TENM1: variants seen among roughly 807,000 people sequenced by gnomAD.
The protein encoded by TENM1 is teneurin transmembrane protein 1, also known as teneurin-1.
A neutral mutation model predicts 174.8 loss-of-function variants in TENM1; 35 were observed. The ratio of observed to expected loss-of-function variants is 0.20; its 90% CI spans 0.15 to 0.27. The LOEUF (loss-of-function observed/expected upper bound fraction) is 0.27. TENM1 is among the 10% of genes least tolerant of loss of function. TENM1 has a pLI of 1.00. For missense variants in TENM1, 1,633 were observed against 2,130.1 expected, an observed-to-expected ratio of 0.77 and a Z score of 4.59; for synonymous variants, 781 against 798.7, an observed-to-expected ratio of 0.98 and a Z score of 0.37.
At chrX:124,677,938 T>C (rs1327323682) in intron 5 of TENM1, among the ~76,000 whole-genome samples, 1 of 111,899 alleles carries the variant, frequency 8.9e-6, no homozygotes, top group African/African-American at 3.2e-5. Context: ...GTGACAGGAA[T>C]ACAGTGATTC....
chrX:125,047,200 G>GT, the TENM1 span, among the ~76,000 whole-genome samples: 1 of 111,431 alleles, frequency 9.0e-6, no homozygotes, highest in African/African-American at 3.3e-5. Flanking sequence ...GCGTATATGA[G>GT]TTATTAAATA....
the TENM1 span, among the ~76,000 whole-genome samples, chrX:125,167,179 T>A: frequency 8.9e-6 from 1 of 111,892 alleles, no homozygotes; most frequent in Non-Finnish European, 1.9e-5. Context: ...ATAGCCCATA[T>A]GAAATGATTT....
chrX:124,491,170 A>T (rs1336844781), intron 20 of TENM1, among the ~76,000 whole-genome samples: 1 of 112,064 alleles, frequency 8.9e-6, no homozygotes, highest in Non-Finnish European at 1.9e-5. Flanking sequence ...GAATATAAGG[A>T]AGAATTTTCT....
At chrX:124,973,356 T>G in the TENM1 span, among the ~76,000 whole-genome samples, 1 of 111,814 alleles carries the variant, frequency 8.9e-6, no homozygotes, top group African/African-American at 3.3e-5. Flanking sequence ...CAGTTTTGTC[T>G]TTTTGCTTAG....
At chrX:124,485,745 A>G (rs2046939072) in intron 21 of TENM1, among the ~76,000 whole-genome samples, 1 of 111,996 alleles carries the variant, frequency 8.9e-6, no homozygotes, top group Non-Finnish European at 1.9e-5. Context: ...GGAAACCCAG[A>G]CACATAGGGA....
intron 18 of TENM1, among the ~76,000 whole-genome samples, chrX:124,510,712 T>C (rs1007135314): frequency 2.7e-5 from 3 of 110,151 alleles, no homozygotes; most frequent in Non-Finnish European, 3.8e-5. Flanking sequence ...TAAACTTTCA[T>C]GTCTGAAAGT....
At chrX:124,635,439 G>T (rs1405850756) in intron 11 of TENM1, among the ~76,000 whole-genome samples, 1 of 112,314 alleles carries the variant, frequency 8.9e-6, no homozygotes, top group Admixed American at 9.4e-5. Flanking sequence ...CTGCTGAATA[G>T]CAAATAGTAT....
At chrX:125,105,242 C>G in the TENM1 span, among the ~76,000 whole-genome samples, 79 of 111,767 alleles carry the variant, frequency 7.1e-4, no homozygotes, top group Non-Finnish European at 1.2e-3. Context: ...TTTTACTCCA[C>G]TCTGGTGGAA....
rs7056882 is a variant in TENM1 at position 124,701,099 on chromosome X, T to C, written c.1015+3914A>G. 9.0e-3 allele frequency among the ~76,000 whole-genome samples: 1,002 copies of C among 111,499 alleles called. 10 individuals are homozygous for C. Among genetic ancestry groups the C allele is most frequent in the African/African-American group, 0.031 (955 of 30,686 alleles). On this transcript the variant is annotated intron_variant, in intron 5 of 31. Transcript: ENST00000422452. ...GTCAGCTTTCTACATGTAGGCTATA[T>C]AGTATGTCATGACAAGATTTATGGA...
upstream of TENM1, chrX:124,963,875 G>T: frequency 1.8e-6 from 1 of 561,433 alleles, no homozygotes; most frequent in South Asian, 2.9e-5. Flanking sequence ...GTGAGGAAAT[G>T]CATCTGGCAG....
At chrX:124,746,784 C>T (rs892371988) in intron 3 of TENM1, among the ~76,000 whole-genome samples, 1 of 110,901 alleles carries the variant, frequency 9.0e-6, no homozygotes, top group African/African-American at 3.3e-5. Context: ...AGGAAATATA[C>T]TGATCTATTG....
intron 3 of TENM1, 143 bp from the exon 7 acceptor site, chrX:124,737,340 T>A: frequency 3.2e-6 from 2 of 619,173 alleles, no homozygotes; most frequent in Non-Finnish European, 4.7e-6. Flanking sequence ...AGTCTATCTG[T>A]AAAAATGCCA....
At chrX:124,743,161 G>A (rs2148562494) in intron 3 of TENM1, among the ~76,000 whole-genome samples, 1 of 111,465 alleles carries the variant, frequency 9.0e-6, no homozygotes, top group African/African-American at 3.3e-5. Context: ...AGACTTAAAT[G>A]TATCTGGCTG....
the TENM1 span, among the ~76,000 whole-genome samples, chrX:125,025,946 T>C: frequency 9.0e-6 from 1 of 111,461 alleles, no homozygotes; most frequent in South Asian, 3.7e-4. Flanking sequence ...TGTATAACAC[T>C]AAATGCCTTT....
intron 11 of TENM1, among the ~76,000 whole-genome samples, chrX:124,625,900 G>T (rs2050625695): frequency 9.0e-6 from 1 of 110,917 alleles, no homozygotes; most frequent in South Asian, 3.9e-4. Flanking sequence ...CATGAGATTT[G>T]GTGGGGACGC....
At chrX:124,813,563 C>T (rs1569453187) in intron 3 of TENM1, among the ~76,000 whole-genome samples, 1 of 111,528 alleles carries the variant, frequency 9.0e-6, no homozygotes, top group Admixed American at 9.6e-5. Flanking sequence ...TTGAGAAGTA[C>T]TGGTTAAATA....
At chrX:124,986,427 T>C in the TENM1 span, among the ~76,000 whole-genome samples, 36 of 111,982 alleles carry the variant, frequency 3.2e-4, 1 homozygote, top group African/African-American at 1.1e-3. Flanking sequence ...CATAGAACAC[T>C]CTCTTTGAGG....
At chrX:124,810,639 C>T (rs2055744611) in intron 3 of TENM1, among the ~76,000 whole-genome samples, 1 of 111,059 alleles carries the variant, frequency 9.0e-6, no homozygotes, top group Non-Finnish European at 1.9e-5. Context: ...ATATACAGAT[C>T]CAATATAATT....
chrX:124,796,226 C>T, intron 3 of TENM1, among the ~76,000 whole-genome samples: 1 of 111,736 alleles, frequency 8.9e-6, no homozygotes, highest in Middle Eastern at 4.6e-3. Flanking sequence ...TTTGTGTTAC[C>T]TTTGCAGTAC....
Sources: allele counts gnomAD v4.1 joint callset (sites outside exome capture counted in the v4.1 genomes callset), GRCh38; gene constraint gnomAD v4.1.1; transcripts MANE v1.5; gene names NCBI Gene and HGNC (gene_info 2026-07-23, HGNC 2026-07-21).